The following GTF2E2 variants were observed in gnomAD, a reference collection of about 807,000 sequenced individuals.
GTF2E2 encodes transcription initiation factor IIE subunit beta.
Under a neutral mutation model 40.5 loss-of-function variants are expected in GTF2E2, and 21 were observed. That is an observed-to-expected ratio of 0.52 (90% confidence interval 0.37 to 0.75). GTF2E2 has a LOEUF of 0.75. Among genes scored for constraint, GTF2E2 ranks in the 30% least tolerant of loss-of-function variants. The probability of loss-of-function intolerance (pLI) is 0.00; values close to 1 mark genes in which losing one functional copy is unlikely to be tolerated. For synonymous variants in GTF2E2, 117 were observed against 121.6 expected, an observed-to-expected ratio of 0.96 and a Z score of 0.25; for missense variants, 298 against 338.4, an observed-to-expected ratio of 0.88 and a Z score of 0.94.
chr8:30,626,536 C>T (rs929072426), intron 3 of GTF2E2, among the ~76,000 whole-genome samples: 1 of 152,114 alleles, frequency 6.6e-6, no homozygotes, highest in African/African-American at 2.4e-5. Flanking sequence ...TTTTTTGCAA[C>T]TTTCTCAGTT....
intron 5 of GTF2E2, 96 bp from the exon 6 acceptor site, chr8:30,607,246 AAC>A (rs1467696219): frequency 1.9e-6 from 1 of 530,820 alleles, no homozygotes; most frequent in Non-Finnish European, 3.4e-6. Flanking sequence ...TCATTTCCTT[AAC>A]ACACTCAGTA....
At chr8:30,579,428 A>C (rs2151103598) in intron 7 of GTF2E2, among the ~76,000 whole-genome samples, 1 of 152,352 alleles carries the variant, frequency 6.6e-6, no homozygotes, top group South Asian at 2.1e-4. Context: ...GAGCACATGA[A>C]GGTCTGTAAT....
intron 2 of GTF2E2, among the ~76,000 whole-genome samples, chr8:30,639,870 T>G (rs899433088): frequency 6.6e-6 from 1 of 152,020 alleles, no homozygotes; most frequent in East Asian, 1.9e-4. Context: ...AATAAGATAC[T>G]AGATCTGTCC....
At chr8:30,655,545 T>C (rs1243359175) in intron 1 of GTF2E2, among the ~76,000 whole-genome samples, 8 of 152,224 alleles carry the variant, frequency 5.3e-5, no homozygotes, top group African/African-American at 1.4e-4. Context: ...TGGAACATCA[T>C]CTTTAAATTG....
chr8:30,634,229 C>T (rs544137532), intron 3 of GTF2E2, among the ~76,000 whole-genome samples: 2 of 152,178 alleles, frequency 1.3e-5, no homozygotes, highest in African/African-American at 2.4e-5. Flanking sequence ...GGGAAAATCA[C>T]ATGAGCTTAG....
At chr8:30,582,844 C>T (rs1828552420) in intron 6 of GTF2E2, among the ~76,000 whole-genome samples, 1 of 152,188 alleles carries the variant, frequency 6.6e-6, no homozygotes, top group African/African-American at 2.4e-5. Context: ...GTTTCTCTGT[C>T]ATGAAGCTAT....
chr8:30,656,809 G>GAAAAAAAAAAAAA (rs370990168), intron 1 of GTF2E2: 7 of 110,032 alleles, frequency 6.4e-5, no homozygotes, highest in Non-Finnish European at 1.0e-4. Flanking sequence ...CTCCGTCTCA[G>GAAAAAAAAAAAAA]AAAAAAAAAA....
At position 30,625,613 on chromosome 8, in the gene GTF2E2, T is replaced by C. The variant is rs145166056; in HGVS notation, c.258+9419A>G. On this transcript the variant is annotated intron_variant, in intron 3 of 7. Transcript: ENST00000355904. Reference sequence around the variant, plus strand: ...ACTTTGCTGAGGGCACTGTCTGTTGTTTTTTGTTTTTTGTTTTAAGGGACA... The same window carrying C: ...ACTTTGCTGAGGGCACTGTCTGTTGCTTTTTGTTTTTTGTTTTAAGGGACA... 5.2e-3 allele frequency among the ~76,000 whole-genome samples: 788 copies of C among 151,344 alleles called. 14 individuals are homozygous for C. Among genetic ancestry groups the C allele is most frequent in the African/African-American group, 0.018 (747 of 40,740 alleles).
chr8:30,631,066 C>T (rs1370608962), intron 3 of GTF2E2, among the ~76,000 whole-genome samples: 1 of 151,968 alleles, frequency 6.6e-6, no homozygotes, highest in African/African-American at 2.4e-5. Context: ...CTCAATGTGT[C>T]GCCCAGGCTG....
intron 2 of GTF2E2, among the ~76,000 whole-genome samples, chr8:30,641,805 T>C (rs1380701046): frequency 1.3e-5 from 2 of 151,928 alleles, no homozygotes; most frequent in African/African-American, 4.8e-5. Context: ...TGAACCAGGA[T>C]GCAGAGGTTG....
At chr8:30,649,213 T>A (rs545073222) in intron 2 of GTF2E2, among the ~76,000 whole-genome samples, 1 of 152,200 alleles carries the variant, frequency 6.6e-6, no homozygotes, top group East Asian at 1.9e-4. Context: ...CCAAATCAGT[T>A]ATAAAACAGC....
Position 30,626,434 on chromosome 8 carries a change from G to A in GTF2E2, c.258+8598C>T, listed in dbSNP as rs187527666. Reference sequence around the variant, plus strand: ...CGAGAGGTGGAGGTTGCAGTGAGCCGAGATCACGCCATTGCACTCCATCCT... The same window carrying A: ...CGAGAGGTGGAGGTTGCAGTGAGCCAAGATCACGCCATTGCACTCCATCCT... On this transcript the variant is annotated intron_variant, in intron 3 of 7. Transcript: ENST00000355904. 2.7e-3 allele frequency among the ~76,000 whole-genome samples: 407 copies of A among 152,272 alleles called. 2 individuals are homozygous for A. The highest frequency in any genetic ancestry group is 9.2e-3 in the African/African-American group (382 of 41,556).
chr8:30,612,176 C>G, intron 5 of GTF2E2, 123 bp downstream of exon 5: 1 of 617,294 alleles, frequency 1.6e-6, no homozygotes, highest in Non-Finnish European at 2.7e-6. Flanking sequence ...AAGTGGCTCA[C>G]TGTAACCCAT....
intron 2 of GTF2E2, among the ~76,000 whole-genome samples, chr8:30,635,546 C>T (rs1345813700): frequency 5.9e-5 from 9 of 152,008 alleles, no homozygotes; most frequent in East Asian, 1.9e-4. Flanking sequence ...CCATGCCTGG[C>T]TAATTTTTTT....
chr8:30,645,144 T>C, intron 2 of GTF2E2: 1 of 772,812 alleles, frequency 1.3e-6, no homozygotes, highest in South Asian at 2.0e-5. Flanking sequence ...TACAAAAAAA[T>C]TCAAAACTAC....
chr8:30,636,643 A>G (rs977322092), intron 2 of GTF2E2, among the ~76,000 whole-genome samples: 3 of 152,220 alleles, frequency 2.0e-5, no homozygotes, highest in Admixed American at 6.5e-5. Context: ...CCAGGTGGGC[A>G]GATCATGAGG....
At chr8:30,596,193 T>G (rs903765749) in intron 6 of GTF2E2, among the ~76,000 whole-genome samples, 1 of 152,210 alleles carries the variant, frequency 6.6e-6, no homozygotes, top group African/African-American at 2.4e-5. Context: ...CCATCATTAA[T>G]TTTAGAAAAT....
intron 6 of GTF2E2, among the ~76,000 whole-genome samples, chr8:30,595,829 A>G (rs1356785312): frequency 6.6e-6 from 1 of 152,174 alleles, no homozygotes; most frequent in East Asian, 1.9e-4. Context: ...CAGACAAGAA[A>G]AAAGAAAAGA....
intron 1 of GTF2E2, among the ~76,000 whole-genome samples, chr8:30,656,071 C>G (rs558240149): frequency 6.6e-6 from 1 of 152,184 alleles, no homozygotes; most frequent in Non-Finnish European, 1.5e-5. Context: ...ACCTCAGCCT[C>G]CCAAAGTGCT....
Sources: allele counts gnomAD v4.1 joint callset (sites outside exome capture counted in the v4.1 genomes callset), GRCh38; gene constraint gnomAD v4.1.1; transcripts MANE v1.5; gene names NCBI Gene and HGNC (gene_info 2026-07-23, HGNC 2026-07-21).